Variants in B4GALNT3 observed in about 807,000 individuals in gnomAD.
The protein encoded by B4GALNT3 is beta-1,4-N-acetylgalactosaminyltransferase 3.
In B4GALNT3, 86 loss-of-function variants were observed where a neutral mutation model predicts 120.2. The observed-to-expected ratio is 0.72, with a 90% CI of 0.60 to 0.86. The LOEUF is 0.86. Ranked by LOEUF, B4GALNT3 falls within the 40% of genes least tolerant of loss-of-function variation. The pLI is 0.00. For synonymous variants in B4GALNT3, 518 were observed against 510.4 expected (o/e 1.01, Z -0.20); for missense variants, 1,167 against 1,298.9 (o/e 0.90, Z 1.56).
intron 1 of B4GALNT3, among the ~76,000 whole-genome samples, chr12:517,076 A>C (rs1946664526): frequency 6.6e-6 from 1 of 152,152 alleles, no homozygotes; most frequent in African/African-American, 2.4e-5. Context: ...AGTTAGGTTA[A>C]GTTTCAGATG....
At chr12:462,313 A>C (rs950152965) in intron 1 of B4GALNT3, among the ~76,000 whole-genome samples, 2 of 150,936 alleles carry the variant, frequency 1.3e-5, no homozygotes, top group Non-Finnish European at 2.9e-5. Flanking sequence ...TTGCTTTGTG[A>C]CCTTGGAATC....
At position 521,209 on chromosome 12, in the gene B4GALNT3, C is replaced by T. The variant is rs536384885; in HGVS notation, c.170-13957C>T. 4.9e-4 allele frequency among the ~76,000 whole-genome samples: 75 copies of T among 152,270 alleles called. 1 individual carries two copies. The South Asian group carries it at 0.011, about 21-fold the overall frequency. ...GCGGTCCTTCTGCCAGCAGGACTCTCGTCATCACCCTCCTGATGTAGCCCA... is the reference window on the plus strand; with the variant it reads ...GCGGTCCTTCTGCCAGCAGGACTCTTGTCATCACCCTCCTGATGTAGCCCA... On this transcript the variant is annotated intron_variant, in intron 1 of 19. Coordinates refer to ENST00000266383, the MANE Select transcript of B4GALNT3 (RefSeq NM_173593.4).
At chr12:481,971 G>A (rs1345451749) in intron 1 of B4GALNT3, among the ~76,000 whole-genome samples, 1 of 151,766 alleles carries the variant, frequency 6.6e-6, no homozygotes, top group Non-Finnish European at 1.5e-5. Context: ...CTCTGAAATG[G>A]GGCAGGTAGG....
In B4GALNT3 at chr12:548,163, C is replaced by A; in HGVS notation, c.786+61C>A. 6.2e-7 allele frequency: 1 copy of A among 1,606,234 alleles called. No homozygotes were observed. The highest frequency in any genetic ancestry group is 8.5e-7 in the Non-Finnish European group (1 of 1,172,854). On this transcript the variant is annotated intron_variant, in intron 8 of 19. Transcript: ENST00000266383. This position sits in a 1 kb window ranked among gnomAD's most constrained non-coding sequence, Gnocchi z 4.9. ...GTTCCTGGCACTCATCTCCCCTTGT[C>A]CCTTGACCCCTGTTGGAAATCCAGC...
At chr12:518,883 G>A (rs1336592011) in intron 1 of B4GALNT3, among the ~76,000 whole-genome samples, 3 of 151,770 alleles carry the variant, frequency 2.0e-5, no homozygotes, top group African/African-American at 4.8e-5. Context: ...TTGAATCCAC[G>A]GATATGAAAC....
At chr12:519,597 C>CTTTTT (rs33954082) in intron 1 of B4GALNT3, among the ~76,000 whole-genome samples, 22 of 134,180 alleles carry the variant, frequency 1.6e-4, no homozygotes, top group Admixed American at 3.8e-4. Context: ...TTCCTTTCTG[C>CTTTTT]TTTTTTTTTT....
In B4GALNT3 at chr12:561,674, G is replaced by A; in HGVS notation, c.*223G>A. ...CAGAAGGGAGGACTTTGAGAGAGAGGCCAGGAGGGACCACTTGCTCAGTCG... is the reference window on the plus strand; with the variant it reads ...CAGAAGGGAGGACTTTGAGAGAGAGACCAGGAGGGACCACTTGCTCAGTCG... On this transcript the variant is annotated 3_prime_UTR_variant, in exon 20 of 20. Coordinates refer to ENST00000266383, the MANE Select transcript of B4GALNT3 (RefSeq NM_173593.4). 1 of 535,530 alleles carries A rather than the reference G, an allele frequency of 1.9e-6. No homozygotes were observed. Among genetic ancestry groups the A allele is most frequent in the Non-Finnish European group, 3.4e-6 (1 of 298,338 alleles). 33.2% of individuals were successfully genotyped at this position (535,530 alleles called of 1,614,324 possible). A position where few individuals can be genotyped will look rare whatever the true frequency, so the allele number is the denominator to read the frequency against.
At chr12:532,183 T>C (rs1042351059) in intron 1 of B4GALNT3, among the ~76,000 whole-genome samples, 1 of 152,210 alleles carries the variant, frequency 6.6e-6, no homozygotes, top group Admixed American at 6.5e-5. Context: ...ATTTTCCTAC[T>C]CCTTAAATCC....
At chr12:476,287 T>C (rs576609254) in intron 1 of B4GALNT3, among the ~76,000 whole-genome samples, 1 of 152,342 alleles carries the variant, frequency 6.6e-6, no homozygotes, top group South Asian at 2.1e-4. Context: ...TAGTGTTTGA[T>C]AAATGTTAGC....
At chr12:555,250 A>T in intron 14 of B4GALNT3, 1 of 416,134 alleles carries the variant, frequency 2.4e-6, no homozygotes, top group Non-Finnish European at 4.9e-6. Context: ...TCCTCCTCCT[A>T]CCCCCAGTAG....
chr12:560,598 G>A (rs1176146977), intron 19 of B4GALNT3, among the ~76,000 whole-genome samples: 1 of 152,216 alleles, frequency 6.6e-6, no homozygotes, highest in Non-Finnish European at 1.5e-5. Flanking sequence ...GGAAGGTAAA[G>A]GAACGTAGAT....
At chr12:482,219 T>C (rs7303572) in intron 1 of B4GALNT3, among the ~76,000 whole-genome samples, 7,489 of 152,276 alleles carry the variant, frequency 0.049, 592 homozygotes, top group African/African-American at 0.17. Flanking sequence ...GCTGATACTT[T>C]GGGACACGTT....
intron 1 of B4GALNT3, among the ~76,000 whole-genome samples, chr12:467,548 CTG>C (rs1383356846): frequency 2.6e-5 from 4 of 152,242 alleles, no homozygotes; most frequent in East Asian, 3.9e-4. Flanking sequence ...GACAGCAAGA[CTG>C]TGTCTTAAAT....
intron 1 of B4GALNT3, among the ~76,000 whole-genome samples, chr12:495,378 GT>G (rs1165961073): frequency 6.6e-6 from 1 of 151,974 alleles, no homozygotes; most frequent in Admixed American, 6.6e-5. Context: ...TTTCCCCTTA[GT>G]CCCCCTAACT....
chr12:478,856 A>T (rs1946209025), intron 1 of B4GALNT3, among the ~76,000 whole-genome samples: 1 of 152,226 alleles, frequency 6.6e-6, no homozygotes, highest in Non-Finnish European at 1.5e-5. Context: ...CTTCAGGATC[A>T]GAGGTTGCTA....
intron 1 of B4GALNT3, among the ~76,000 whole-genome samples, chr12:526,020 T>C (rs1411495614): frequency 6.6e-6 from 1 of 152,196 alleles, no homozygotes; most frequent in Non-Finnish European, 1.5e-5. Flanking sequence ...TTAGCCCTGA[T>C]GTCTAATGAG....
chr12:558,454 A>C (rs1947185915), intron 17 of B4GALNT3, 54 bp from the exon 18 acceptor site: 1 of 1,560,314 alleles, frequency 6.4e-7, no homozygotes, highest in African/African-American at 1.4e-5. Flanking sequence ...CGGCGACCTG[A>C]CCTCCTAGCT....
chr12:534,729 G>T (rs1457685912), intron 1 of B4GALNT3, among the ~76,000 whole-genome samples: 3 of 152,196 alleles, frequency 2.0e-5, no homozygotes, highest in South Asian at 4.1e-4. Flanking sequence ...AGTGGTAGGG[G>T]GTCCCCACCC....
At chr12:512,677 C>G (rs1462940254) in intron 1 of B4GALNT3, among the ~76,000 whole-genome samples, 4 of 137,306 alleles carry the variant, frequency 2.9e-5, no homozygotes, top group Non-Finnish European at 6.2e-5. Context: ...CTTCCACCTT[C>G]CACCTTCGAT....
Sources: gnomAD v4.1 joint callset for allele counts (sites outside exome capture counted in the v4.1 genomes callset) on GRCh38, gnomAD v4.1.1 for gene constraint, Gnocchi (gnomAD v3.1) non-coding constraint, MANE v1.5 for transcripts, NCBI Gene and HGNC (gene_info 2026-07-23, HGNC 2026-07-21) for gene names.